PID1: variants seen among roughly 807,000 people sequenced by gnomAD.
The protein encoded by PID1 is phosphotyrosine interaction domain containing 1, also known as PTB-containing, cubilin and LRP1-interacting protein.
A neutral mutation model predicts 19.1 loss-of-function variants in PID1; 10 were observed. That is an observed-to-expected ratio of 0.52 (90% CI 0.32 to 0.89). PID1 has a LOEUF of 0.89. Among genes scored for constraint, PID1 ranks in the 40% least tolerant of loss-of-function variants. The pLI is 0.03. For synonymous variants in PID1, 130 were observed against 116.0 expected, an observed-to-expected ratio of 1.12 and a Z score of -0.78; for missense variants, 248 against 285.3, an observed-to-expected ratio of 0.87 and a Z score of 0.94.
chr2:229,107,016 TAA>T (rs35422825), intron 2 of PID1, among the ~76,000 whole-genome samples: 54,073 of 151,812 alleles, frequency 0.36, 10,587 homozygotes, highest in Middle Eastern at 0.52. Context: ...TGTTTCCTTA[TAA>T]GAGACAGGAG....
At chr2:229,161,882 A>G (rs1256389094) in intron 1 of PID1, among the ~76,000 whole-genome samples, 3 of 152,188 alleles carry the variant, frequency 2.0e-5, no homozygotes, top group East Asian at 3.9e-4. Flanking sequence ...TCAACTTTAA[A>G]ATGTTATATT....
chr2:229,160,648 G>T (rs146972911), intron 1 of PID1, among the ~76,000 whole-genome samples: 22 of 152,236 alleles, frequency 1.4e-4, no homozygotes, highest in East Asian at 1.2e-3. Flanking sequence ...AATGACAACT[G>T]CAAATCTGTG....
chr2:229,094,146 C>A (rs1433490637), intron 2 of PID1, among the ~76,000 whole-genome samples: 3 of 152,098 alleles, frequency 2.0e-5, no homozygotes. Context: ...TACAAACCAA[C>A]AACAACCAAG....
chr2:229,052,072 T>C (rs1287113199), intron 2 of PID1, among the ~76,000 whole-genome samples: 3 of 152,238 alleles, frequency 2.0e-5, no homozygotes. Context: ...TTGCTGGTCC[T>C]ATCCAGGGGA....
chr2:229,187,399 A>T (rs1005271986), intron 1 of PID1, among the ~76,000 whole-genome samples: 1 of 152,190 alleles, frequency 6.6e-6, no homozygotes, highest in Non-Finnish European at 1.5e-5. Context: ...ACAGTTCCAC[A>T]TGGCTGGGGA....
chr2:229,054,789 T>C (rs1694066600), intron 2 of PID1, among the ~76,000 whole-genome samples: 1 of 148,866 alleles, frequency 6.7e-6, no homozygotes, highest in South Asian at 2.2e-4. Flanking sequence ...TATCAGTGAA[T>C]CTGCTTTTTG....
At chr2:229,040,316 T>G (rs1693745387) in intron 2 of PID1, among the ~76,000 whole-genome samples, 1 of 133,724 alleles carries the variant, frequency 7.5e-6, no homozygotes, top group South Asian at 2.2e-4. Context: ...CAAGACATCG[T>G]CAACAAACAA....
intron 2 of PID1, among the ~76,000 whole-genome samples, chr2:229,100,683 CCA>C (rs1695057097): frequency 6.6e-6 from 1 of 152,170 alleles, no homozygotes; most frequent in Non-Finnish European, 1.5e-5. Context: ...CCTTGACTCC[CCA>C]GATGGTTTGG....
At chr2:229,233,463 G>C (rs760762453) in intron 1 of PID1, among the ~76,000 whole-genome samples, 8 of 149,582 alleles carry the variant, frequency 5.3e-5, no homozygotes, top group Non-Finnish European at 1.2e-4. Context: ...TTGAAATCCA[G>C]GTAACTGAAA....
chr2:229,252,357 T>A (rs777392195), intron 1 of PID1, among the ~76,000 whole-genome samples: 113 of 152,312 alleles, frequency 7.4e-4, no homozygotes, highest in South Asian at 2.5e-3. Context: ...AAAGTTGGGA[T>A]CCCTGTAAAT....
intron 2 of PID1, among the ~76,000 whole-genome samples, chr2:229,144,261 C>T (rs532027636): frequency 2.6e-5 from 4 of 152,174 alleles, no homozygotes; most frequent in South Asian, 4.1e-4. Context: ...AGCAGAGCAA[C>T]AGAGAGAAGT....
At chr2:229,163,681 G>GTGCGCGCA (rs1204696892) in intron 1 of PID1, among the ~76,000 whole-genome samples, 2 of 57,848 alleles carry the variant, frequency 3.5e-5, no homozygotes, top group Admixed American at 4.8e-4. Flanking sequence ...GTGTGCGTGT[G>GTGCGCGCA]CGTGTGTGTG....
intron 2 of PID1, among the ~76,000 whole-genome samples, chr2:229,104,225 T>C (rs1695130270): frequency 6.6e-6 from 1 of 152,196 alleles, no homozygotes; most frequent in Non-Finnish European, 1.5e-5. Context: ...ACAGACAACC[T>C]TTCACCTAAA....
intron 2 of PID1, among the ~76,000 whole-genome samples, chr2:229,133,675 A>G (rs924691263): frequency 6.6e-6 from 1 of 152,188 alleles, no homozygotes; most frequent in African/African-American, 2.4e-5. Flanking sequence ...GACCTCTTCC[A>G]TTGATATGAG....
At chr2:229,028,937 T>G (rs28514777) in intron 2 of PID1, among the ~76,000 whole-genome samples, 45,946 of 151,860 alleles carry the variant, frequency 0.3, 7,229 homozygotes, top group African/African-American at 0.36. Context: ...AGCGGCTCAC[T>G]CAATTTATAT....
intron 1 of PID1, among the ~76,000 whole-genome samples, chr2:229,185,165 C>G (rs1204630064): frequency 6.6e-6 from 1 of 150,580 alleles, no homozygotes. Context: ...CCTAATACAG[C>G]CTCCCAGTTT....
At chr2:229,046,690 C>T (rs1410474337) in intron 2 of PID1, among the ~76,000 whole-genome samples, 2 of 152,100 alleles carry the variant, frequency 1.3e-5, no homozygotes, top group Non-Finnish European at 2.9e-5. Flanking sequence ...GGTTTTTATT[C>T]TTCAGACTAG....
chr2:229,245,475 C>T (rs563353481), intron 1 of PID1, among the ~76,000 whole-genome samples: 164 of 152,202 alleles, frequency 1.1e-3, no homozygotes, highest in African/African-American at 3.6e-3. Flanking sequence ...TATGAAGATG[C>T]TACTTGTTTT....
Position 229,218,176 on chromosome 2 carries a change from G to A in PID1, c.30+52838C>T, listed in dbSNP as rs115645076. On this transcript the variant is annotated intron_variant, in intron 1 of 2. Coordinates refer to ENST00000392055, the MANE Select transcript of PID1 (RefSeq NM_001100818.2). ...GGGCCTGTGAGAGTGACTGGAATAT[G>A]GCAGCTGATTGAAATGATTCAACAT... 5.5e-3 allele frequency among the ~76,000 whole-genome samples: 835 copies of A among 151,584 alleles called. 6 individuals carry two copies. The highest frequency in any genetic ancestry group is 0.019 in the African/African-American group (796 of 41,268).
Sources: gnomAD v4.1 joint callset for allele counts (sites outside exome capture counted in the v4.1 genomes callset) on GRCh38, gnomAD v4.1.1 for gene constraint, MANE v1.5 for transcripts, NCBI Gene and HGNC (gene_info 2026-07-23, HGNC 2026-07-21) for gene names.